Variants in ACTR3C observed in about 807,000 individuals in gnomAD.
The protein encoded by ACTR3C is actin related protein 3C.
ACTR3C carries 18 observed loss-of-function variants against 26.3 expected under a neutral mutation model. The ratio of observed to expected loss-of-function variants is 0.68; its 90% CI spans 0.47 to 1.01. The LOEUF (loss-of-function observed/expected upper bound fraction) is 1.01. Ranked by LOEUF, ACTR3C falls within the 50% of genes least tolerant of loss-of-function variation. The pLI, the probability that ACTR3C is intolerant of heterozygous loss-of-function variation, is 0.00. For synonymous variants in ACTR3C, 55 were observed against 94.5 expected, an observed-to-expected ratio of 0.58 and a Z score of 2.42; for missense variants, 184 against 250.7, an observed-to-expected ratio of 0.73 and a Z score of 1.80.
chr7:150,192,220 A>G, the ACTR3C span, among the ~76,000 whole-genome samples: 1 of 151,230 alleles, frequency 6.6e-6, no homozygotes, highest in African/African-American at 2.4e-5. Context: ...GTATTACATT[A>G]GTGATGGCCT....
the ACTR3C span, among the ~76,000 whole-genome samples, chr7:149,940,879 T>C: frequency 1.3e-5 from 2 of 150,640 alleles, no homozygotes; most frequent in Non-Finnish European, 3.0e-5. Flanking sequence ...GGGGTCCTGC[T>C]CAGATGGCTC....
At chr7:150,225,003 TAGTG>T in the ACTR3C span, among the ~76,000 whole-genome samples, 1 of 109,630 alleles carries the variant, frequency 9.1e-6, no homozygotes, top group East Asian at 2.6e-4. Context: ...ACACCCCCAT[TAGTG>T]TGTGTGTGTG....
chr7:149,885,426 C>T, the ACTR3C span, among the ~76,000 whole-genome samples: 1 of 152,202 alleles, frequency 6.6e-6, no homozygotes, highest in African/African-American at 2.4e-5. Context: ...ATGAGCTGGT[C>T]CCTCTGCGAG....
the ACTR3C span, among the ~76,000 whole-genome samples, chr7:149,966,952 C>A: frequency 6.6e-6 from 1 of 151,370 alleles, no homozygotes; most frequent in Non-Finnish European, 1.5e-5. Context: ...ACCTCCACCT[C>A]CCAGGCTCAA....
the ACTR3C span, among the ~76,000 whole-genome samples, chr7:149,916,684 A>G: frequency 6.9e-6 from 1 of 145,286 alleles, no homozygotes; most frequent in South Asian, 2.4e-4. Context: ...TTTTAACACT[A>G]CCTTCCCAAA....
chr7:150,168,803 G>A, the ACTR3C span, among the ~76,000 whole-genome samples: 204 of 150,890 alleles, frequency 1.4e-3, 18 homozygotes, highest in African/African-American at 4.9e-3. Flanking sequence ...TGTGATTGCC[G>A]CTGGCATGTG....
the ACTR3C span, among the ~76,000 whole-genome samples, chr7:150,208,726 T>C: frequency 2.0e-5 from 3 of 152,142 alleles, no homozygotes; most frequent in South Asian, 4.1e-4. Context: ...ATCCAGCATG[T>C]ACAAGATAAA....
rs1289796913 is a variant in ACTR3C at position 150,247,284 on chromosome 7, G to A, written c.*324C>T. On this transcript the variant is annotated 3_prime_UTR_variant, in exon 8 of 8. Transcript: ENST00000683684. ...CCAGGTGAAGTTTGTGCAAGCGTGA[G>A]TTAAGAGATTTGATGAAATTATTCA... The A allele has an allele frequency of 6.6e-6, 1 of 152,232 alleles. No homozygotes were observed. Among genetic ancestry groups the A allele is most frequent in the African/African-American group, 2.4e-5 (1 of 41,454 alleles). The allele number at this position is 152,232 out of a possible 1,614,324, so 9.4% of individuals were successfully genotyped here.
At chr7:149,949,417 A>G in the ACTR3C span, among the ~76,000 whole-genome samples, 1 of 146,328 alleles carries the variant, frequency 6.8e-6, no homozygotes, top group Non-Finnish European at 1.5e-5. Flanking sequence ...GAAGGAAGGA[A>G]GGAAGGAAGG....
chr7:150,282,180 C>T (rs527274645), intron 6 of ACTR3C, among the ~76,000 whole-genome samples: 1 of 141,300 alleles, frequency 7.1e-6, no homozygotes, highest in Non-Finnish European at 1.5e-5. Flanking sequence ...GCCCACGTGA[C>T]GGCCCGGGGA....
At chr7:150,055,289 T>C in the ACTR3C span, among the ~76,000 whole-genome samples, 1 of 152,210 alleles carries the variant, frequency 6.6e-6, no homozygotes, top group Non-Finnish European at 1.5e-5. Context: ...TTCTGATGCA[T>C]GCACAAGTCT....
chr7:150,072,685 C>T, the ACTR3C span, among the ~76,000 whole-genome samples: 3 of 152,076 alleles, frequency 2.0e-5, no homozygotes, highest in Non-Finnish European at 4.4e-5. Flanking sequence ...ACCAGTAAGA[C>T]TGGGAAATAA....
chr7:150,163,494 T>C, the ACTR3C span, among the ~76,000 whole-genome samples: 1 of 151,602 alleles, frequency 6.6e-6, no homozygotes, highest in Non-Finnish European at 1.5e-5. Flanking sequence ...ATATATAATT[T>C]ATATAAAAGG....
chr7:149,978,865 G>A, the ACTR3C span, among the ~76,000 whole-genome samples: 1 of 152,084 alleles, frequency 6.6e-6, no homozygotes, highest in Admixed American at 6.5e-5. Context: ...CTTCTCAAGA[G>A]GACTGATCCC....
At chr7:150,130,252 T>A in the ACTR3C span, among the ~76,000 whole-genome samples, 1 of 152,010 alleles carries the variant, frequency 6.6e-6, no homozygotes. Context: ...TTAATGACCT[T>A]GGCTGAGACA....
chr7:150,129,050 G>T, the ACTR3C span, among the ~76,000 whole-genome samples: 1 of 151,362 alleles, frequency 6.6e-6, no homozygotes, highest in Non-Finnish European at 1.5e-5. Context: ...CAGAAGACCT[G>T]AGCTCTAGAG....
chr7:149,995,703 T>G, the ACTR3C span, among the ~76,000 whole-genome samples: 30,090 of 122,234 alleles, frequency 0.25, 1,329 homozygotes, highest in African/African-American at 0.28. Context: ...GTCCAACTGG[T>G]CAGTTAGATA....
chr7:150,058,802 C>G, the ACTR3C span, among the ~76,000 whole-genome samples: 1 of 152,046 alleles, frequency 6.6e-6, no homozygotes, highest in Non-Finnish European at 1.5e-5. Flanking sequence ...GTAATCCTAG[C>G]TACTCGCGAG....
the ACTR3C span, among the ~76,000 whole-genome samples, chr7:150,106,414 A>G: frequency 6.6e-6 from 1 of 151,396 alleles, no homozygotes; most frequent in Non-Finnish European, 1.5e-5. Flanking sequence ...GTTACATGGT[A>G]TGGTTTGAGA....
Sources: gnomAD v4.1 joint callset for allele counts (sites outside exome capture counted in the v4.1 genomes callset) on GRCh38, gnomAD v4.1.1 for gene constraint, MANE v1.5 for transcripts, NCBI Gene and HGNC (gene_info 2026-07-23, HGNC 2026-07-21) for gene names.